Variants in ZEB1 observed in about 807,000 individuals in gnomAD.
The protein encoded by ZEB1 is zinc finger E-box binding homeobox 1.
In ZEB1, 21 loss-of-function variants were observed where a neutral mutation model predicts 84.9. The ratio of observed to expected loss-of-function variants is 0.25; its 90% CI spans 0.18 to 0.36. ZEB1 has a LOEUF of 0.36. Among genes scored for constraint, ZEB1 ranks in the 10% least tolerant of loss-of-function variants. ZEB1 has a pLI of 1.00. For synonymous variants in ZEB1, 420 were observed against 471.1 expected (o/e 0.89, Z 1.41); for missense variants, 1,104 against 1,330.2 (o/e 0.83, Z 2.65).
intron 1 of ZEB1, among the ~76,000 whole-genome samples, chr10:31,331,259 T>C (rs1054614820): frequency 2.0e-5 from 3 of 151,898 alleles, no homozygotes; most frequent in Non-Finnish European, 2.9e-5. Flanking sequence ...ACTAATTTTT[T>C]GTATTTTTAG....
intron 1 of ZEB1, among the ~76,000 whole-genome samples, chr10:31,355,880 C>A (rs2042039471): frequency 6.6e-6 from 1 of 151,938 alleles, no homozygotes; most frequent in Admixed American, 6.5e-5. Flanking sequence ...TCGGGGTATG[C>A]CATGATTAAA....
At chr10:31,455,975 CTATT>C (rs2061167371) in intron 1 of ZEB1, among the ~76,000 whole-genome samples, 1 of 152,134 alleles carries the variant, frequency 6.6e-6, no homozygotes, top group African/African-American at 2.4e-5. Context: ...TATTGCAGCA[CTATT>C]TACAATAGCA....
At chr10:31,397,394 C>G (rs2051009773) in intron 1 of ZEB1, among the ~76,000 whole-genome samples, 1 of 151,784 alleles carries the variant, frequency 6.6e-6, no homozygotes, top group African/African-American at 2.4e-5. Context: ...GCTATTTTAT[C>G]AATTCCGTGG....
chr10:31,522,009 T>C (rs2072523820), intron 7 of ZEB1, 73 bp downstream of exon 7: 2 of 1,599,066 alleles, frequency 1.3e-6, no homozygotes, highest in Non-Finnish European at 1.7e-6. Context: ...CTTTGTCTAA[T>C]AAATATCAGT....
At chr10:31,526,523 TA>T in intron 8 of ZEB1, 148 bp from the exon 9 acceptor site, 1 of 990,478 alleles carries the variant, frequency 1.0e-6, no homozygotes, top group Non-Finnish European at 1.5e-6. Flanking sequence ...ATTGCAATAT[TA>T]TATTACAAAG....
intron 2 of ZEB1, among the ~76,000 whole-genome samples, chr10:31,469,599 C>T (rs2062918807): frequency 6.6e-6 from 1 of 152,216 alleles, no homozygotes; most frequent in Non-Finnish European, 1.5e-5. Context: ...GCACAGCAGT[C>T]TGAGATCAAA....
In ZEB1 at chr10:31,356,194, C is replaced by T. The variant is rs1230376772; in HGVS notation, c.58+36902C>T. On this transcript the variant is annotated intron_variant, in intron 1 of 8. Coordinates refer to ENST00000424869, the MANE Select transcript of ZEB1 (RefSeq NM_001174096.2). ...ATTATAAATATAATTTAGAAAACAT[C>T]GTTCCTTAAAAAATAATTTTTGAAT... Among the ~76,000 whole-genome samples the T allele has an allele frequency of 4.6e-5, 7 of 152,020 alleles. No individual in the cohort carries two copies. In the South Asian group the frequency reaches 1.0e-3, roughly 23 times the overall value.
intron 2 of ZEB1, among the ~76,000 whole-genome samples, chr10:31,477,812 C>T (rs1242259736): frequency 6.6e-6 from 1 of 151,804 alleles, no homozygotes; most frequent in African/African-American, 2.4e-5. Context: ...CAACCACATG[C>T]AGAAAAATGA....
At chr10:31,501,236 G>C (rs546792280) in intron 3 of ZEB1, among the ~76,000 whole-genome samples, 3 of 152,346 alleles carry the variant, frequency 2.0e-5, no homozygotes, top group African/African-American at 7.2e-5. Context: ...AGGCATTGCA[G>C]TTGCCAGCAT....
intron 1 of ZEB1, among the ~76,000 whole-genome samples, chr10:31,324,376 GT>G: frequency 6.6e-6 from 1 of 152,060 alleles, no homozygotes; most frequent in Non-Finnish European, 1.5e-5. Flanking sequence ...TCATAGTTGT[GT>G]TTTTCTTTTG....
intron 1 of ZEB1, among the ~76,000 whole-genome samples, chr10:31,446,094 T>G (rs1158755974): frequency 2.0e-5 from 3 of 150,054 alleles, no homozygotes; most frequent in Non-Finnish European, 4.4e-5. Context: ...CAATTTCAGA[T>G]CCTGTTATTG....
At chr10:31,389,541 T>A (rs932322640) in intron 1 of ZEB1, 1 of 152,116 alleles carries the variant, frequency 6.6e-6, no homozygotes. Context: ...CTTTACCTAC[T>A]CTGGTAGCTG....
intron 6 of ZEB1, among the ~76,000 whole-genome samples, chr10:31,515,293 G>T (rs2070866475): frequency 6.6e-6 from 1 of 151,994 alleles, no homozygotes; most frequent in South Asian, 2.1e-4. Flanking sequence ...CGATGAAAGT[G>T]TTGTGTCTAT....
Position 31,502,364 on chromosome 10 carries a change from C to T in ZEB1, c.339C>T (p.Cys113=), listed in dbSNP as rs779622931. The change falls in exon 4 of 9, where the codon TGC becomes TGT. Residue 113 remains cysteine (C), a synonymous_variant. Transcript: ENST00000424869. ...EAGCTVKDDE[C]ESDAENEQNH... ...TTTTTTTAGTAAAAGATGATGAATG[C>T]GAGTCAGATGCAGAAAATGAGCAAA... 15 of 1,613,496 alleles carry T rather than the reference C, an allele frequency of 9.3e-6. No individual in the cohort carries two copies. Among genetic ancestry groups the T allele is most frequent in the Admixed American group, 1.7e-5 (1 of 59,978 alleles).
chr10:31,467,283 A>C (rs752060164), intron 2 of ZEB1, among the ~76,000 whole-genome samples: 1 of 152,158 alleles, frequency 6.6e-6, no homozygotes, highest in Non-Finnish European at 1.5e-5. Context: ...AAGGAGCCCA[A>C]AAGCCTTCAG....
At chr10:31,402,110 C>CTGTTGTTGTTGT (rs541378977) in intron 1 of ZEB1, among the ~76,000 whole-genome samples, 18 of 150,920 alleles carry the variant, frequency 1.2e-4, no homozygotes, top group African/African-American at 4.4e-4. Context: ...GTTGTTGTTG[C>CTGTTGTTGTTGT]TGTTGTTGTT....
chr10:31,382,492 T>C (rs968671304), intron 1 of ZEB1, among the ~76,000 whole-genome samples: 3 of 152,134 alleles, frequency 2.0e-5, no homozygotes, highest in Non-Finnish European at 4.4e-5. Context: ...GACAAAATAA[T>C]CTTTCCTAAG....
At chr10:31,390,467 C>T (rs1173633962) in intron 1 of ZEB1, among the ~76,000 whole-genome samples, 1 of 152,166 alleles carries the variant, frequency 6.6e-6, no homozygotes, top group Admixed American at 6.5e-5. Context: ...CATTTTACAT[C>T]TAAATTATTA....
intron 1 of ZEB1, among the ~76,000 whole-genome samples, chr10:31,415,449 A>G (rs189645448): frequency 3.5e-4 from 53 of 152,244 alleles, no homozygotes; most frequent in Middle Eastern, 3.4e-3. Context: ...GGAATCACAT[A>G]TATTTTAAAG....
Sources: allele counts gnomAD v4.1 joint callset (sites outside exome capture counted in the v4.1 genomes callset), GRCh38; gene constraint gnomAD v4.1.1; transcripts MANE v1.5; gene names NCBI Gene and HGNC (gene_info 2026-07-23, HGNC 2026-07-21).